The following KIF6 variants were observed in gnomAD, a reference collection of about 807,000 sequenced individuals.
KIF6 encodes the protein kinesin family member 6.
A neutral mutation model predicts 112.7 loss-of-function variants in KIF6; 106 were observed. That is an observed-to-expected ratio of 0.94 (90% CI 0.80 to 1.11). The LOEUF is 1.11. Ranked by LOEUF, KIF6 falls within the 50% of genes least tolerant of loss-of-function variation. KIF6 has a pLI of 0.00. For missense variants in KIF6, 929 were observed against 964.0 expected (o/e 0.96, Z 0.48); for synonymous variants, 339 against 339.9 (o/e 1.00, Z 0.03).
intron 9 of KIF6, 49 bp from the exon 10 acceptor site, chr6:39,578,208 A>G: frequency 1.6e-6 from 2 of 1,223,822 alleles, no homozygotes; most frequent in Non-Finnish European, 2.4e-6. Context: ...CATTAAGGTG[A>G]ACTTGGTGAC....
chr6:39,360,655 T>G, intron 17 of KIF6, 125 bp from the exon 18 acceptor site: 1 of 1,093,532 alleles, frequency 9.1e-7, no homozygotes, highest in South Asian at 1.5e-5. Context: ...GCTCAGGGAC[T>G]GGGACCCTAT....
chr6:39,449,186 T>A (rs1015678078), intron 13 of KIF6, among the ~76,000 whole-genome samples: 10 of 152,212 alleles, frequency 6.6e-5, no homozygotes, highest in Non-Finnish European at 1.5e-4. Context: ...ATTCTCTATA[T>A]AGCAACCCAA....
At chr6:39,489,476 G>T (rs1334279176) in intron 13 of KIF6, among the ~76,000 whole-genome samples, 1 of 152,000 alleles carries the variant, frequency 6.6e-6, no homozygotes, top group Non-Finnish European at 1.5e-5. Context: ...GTGAGGGAGG[G>T]ATAAAGATGC....
chr6:39,360,678 G>T, intron 17 of KIF6, 148 bp from the exon 18 acceptor site: 1 of 817,146 alleles, frequency 1.2e-6, no homozygotes, highest in Non-Finnish European at 1.9e-6. Flanking sequence ...GAGCTTCGGA[G>T]GCCAGGCTAT....
intron 13 of KIF6, among the ~76,000 whole-genome samples, chr6:39,434,159 A>T (rs1200684535): frequency 1.3e-5 from 2 of 152,184 alleles, no homozygotes; most frequent in Non-Finnish European, 2.9e-5. Context: ...TCTCTCAAGA[A>T]GTATTTATTT....
rs1394122354 is a variant in KIF6 at position 39,634,855 on chromosome 6, T to C, written c.503A>G (p.Asp168Gly). 6.3e-7 allele frequency: 1 copy of C among 1,590,132 alleles called. No homozygotes were observed. The highest frequency in any genetic ancestry group is 1.3e-5 in the African/African-American group (1 of 74,370). Residue 168 changes from aspartate to glycine, a missense_variant, in exon 5 of 23, where the codon GAT becomes GGT. By Grantham distance (94) the Asp-to-Gly change is moderately conservative. Transcript: ENST00000287152. ...TTGTTGTTCTGCTACTCACGGCAAA[T>C]CTTCCAAACTGGAGGCTTCATGTCT... ...DPRHEASSLE[D>G]LPKVTILEDP...
intron 3 of KIF6, among the ~76,000 whole-genome samples, chr6:39,640,959 G>C (rs1026041146): frequency 6.6e-6 from 1 of 152,130 alleles, no homozygotes; most frequent in Non-Finnish European, 1.5e-5. Context: ...GTAACTGTGT[G>C]ATTCAATGTT....
chr6:39,531,413 G>T (rs1397188832), intron 13 of KIF6, among the ~76,000 whole-genome samples: 1 of 152,118 alleles, frequency 6.6e-6, no homozygotes, highest in African/African-American at 2.4e-5. Flanking sequence ...GATGGTGTGG[G>T]CAAGAAGACA....
chr6:39,497,775 C>T (rs1402231883), intron 13 of KIF6, among the ~76,000 whole-genome samples: 1 of 152,210 alleles, frequency 6.6e-6, no homozygotes, highest in African/African-American at 2.4e-5. Context: ...AATGTTCTGA[C>T]AGATTCCATC....
chr6:39,714,707 T>G lies in KIF6; in HGVS notation c.236A>C (p.Lys79Thr). ...GAAATCCTACCTCCCAGCAACTGGTTTGGCAATGTTTTCAAAAACGGTCTC... is the reference window on the plus strand; with the variant it reads ...GAAATCCTACCTCCCAGCAACTGGTGTGGCAATGTTTTCAAAAACGGTCTC... ...NQETVFENIA[K>T]PVAGSVLAGY... Residue 79 changes from lysine to threonine, a missense_variant, in exon 3 of 23, where the codon AAA becomes ACA. Transcript: ENST00000287152. 1 of 1,613,730 alleles carries G rather than the reference T, an allele frequency of 6.2e-7. No individual in the cohort carries two copies. Among genetic ancestry groups the G allele is most frequent in the Non-Finnish European group, 8.5e-7 (1 of 1,179,716 alleles).
At chr6:39,492,650 C>G (rs962787991) in intron 13 of KIF6, among the ~76,000 whole-genome samples, 1 of 152,140 alleles carries the variant, frequency 6.6e-6, no homozygotes. Flanking sequence ...TGTGCCTCCC[C>G]CTTCCTCCTT....
intron 13 of KIF6, among the ~76,000 whole-genome samples, chr6:39,534,733 G>A (rs1778305699): frequency 6.6e-6 from 1 of 152,124 alleles, no homozygotes; most frequent in African/African-American, 2.4e-5. Flanking sequence ...TACTCCTCAA[G>A]AAGAGCAACT....
At chr6:39,611,566 G>A (rs1783215187) in intron 6 of KIF6, among the ~76,000 whole-genome samples, 1 of 152,176 alleles carries the variant, frequency 6.6e-6, no homozygotes, top group African/African-American at 2.4e-5. Flanking sequence ...GATGAGGCCT[G>A]TACTTCTCTA....
At chr6:39,671,260 T>G (rs1247760412) in intron 3 of KIF6, among the ~76,000 whole-genome samples, 2 of 152,202 alleles carry the variant, frequency 1.3e-5, no homozygotes, top group Admixed American at 1.3e-4. Context: ...TTGTAGTATT[T>G]GTAGACTCAA....
chr6:39,673,337 G>T (rs1309036738), intron 3 of KIF6, among the ~76,000 whole-genome samples: 3 of 152,070 alleles, frequency 2.0e-5, no homozygotes, highest in Non-Finnish European at 2.9e-5. Context: ...CTAATCATGG[G>T]GAAAGGTTCA....
At chr6:39,462,765 T>C (rs1773556543) in intron 13 of KIF6, among the ~76,000 whole-genome samples, 1 of 152,150 alleles carries the variant, frequency 6.6e-6, no homozygotes, top group Non-Finnish European at 1.5e-5. Flanking sequence ...AGTTTGTATA[T>C]ATGTCATAAA....
intron 5 of KIF6, among the ~76,000 whole-genome samples, chr6:39,630,212 C>T (rs1784286919): frequency 1.3e-5 from 2 of 151,914 alleles, no homozygotes; most frequent in African/African-American, 4.8e-5. Context: ...TTGATATCTA[C>T]AAAATAATTT....
In KIF6 at chr6:39,540,195, CTTT is replaced by C. The variant is rs755810135; in HGVS notation, c.1450_1452del (p.Lys484del). 1 of 1,610,986 alleles carries C rather than the reference CTTT, an allele frequency of 6.2e-7. No homozygotes were observed. Among genetic ancestry groups the C allele is most frequent in the South Asian group, 1.1e-5 (1 of 90,326 alleles). The stretch of plus-strand genomic sequence containing the variant: ...AGAGCCTCCTGAGCTTTCTTCTTTT[CTTT>C]TTTTAACATGTTGACCAGGATATCT... On this transcript the variant is annotated inframe_deletion, in exon 13 of 23. Transcript: ENST00000287152.
Position 39,615,972 on chromosome 6 carries a change from A to G in KIF6, c.510-2654T>C, listed in dbSNP as rs374028548. Among the ~76,000 whole-genome samples, 6 of 152,294 alleles carry G rather than the reference A, an allele frequency of 3.9e-5. No individual in the cohort carries two copies. In the East Asian group the frequency reaches 7.7e-4, roughly 20 times the overall value. ...CTCCCTAAACATCCATAGGGTTTAT[A>G]TAATTACTGAATCAAAAAATGTAAG... On this transcript the variant is annotated intron_variant, in intron 5 of 22. Transcript: ENST00000287152.
Sources: gnomAD v4.1 joint callset for allele counts (sites outside exome capture counted in the v4.1 genomes callset) on GRCh38, gnomAD v4.1.1 for gene constraint, MANE v1.5 for transcripts, NCBI Gene and HGNC (gene_info 2026-07-23, HGNC 2026-07-21) for gene names.